IMMP2L: variants seen among roughly 807,000 people sequenced by gnomAD.
IMMP2L encodes mitochondrial inner membrane protease subunit 2.
Under a neutral mutation model 19.3 loss-of-function variants are expected in IMMP2L, and 18 were observed. That is an observed-to-expected ratio of 0.93 (90% confidence interval 0.64 to 1.38). IMMP2L has a LOEUF of 1.38. IMMP2L is among the 40% of genes most tolerant of loss of function. The pLI, the probability that IMMP2L is intolerant of heterozygous loss-of-function variation, is 0.00. For synonymous variants in IMMP2L, 76 were observed against 73.0 expected (o/e 1.04, Z -0.21); for missense variants, 233 against 218.2 (o/e 1.07, Z -0.43).
chr7:110,728,787 G>C lies in IMMP2L; in HGVS notation c.409-65066C>G, dbSNP rs892834872. Among the ~76,000 whole-genome samples the C allele has an allele frequency of 3.3e-5, 5 of 152,120 alleles. No individual in the cohort carries two copies. The highest frequency in any genetic ancestry group is 4.8e-5 in the African/African-American group (2 of 41,422). Reference sequence around the variant, plus strand: ...ACCTCATTTGTTTCTCACCATATTCGTGAGGTGGCTACAATCATTACCCCC... The same window carrying C: ...ACCTCATTTGTTTCTCACCATATTCCTGAGGTGGCTACAATCATTACCCCC... On this transcript the variant is annotated intron_variant, in intron 5 of 5. Coordinates refer to ENST00000405709, the MANE Select transcript of IMMP2L (RefSeq NM_032549.4). The surrounding 1 kb of genome is among the most constrained non-coding windows in gnomAD (Gnocchi z 4.6).
At chr7:111,000,690 A>G (rs2129561231) in intron 3 of IMMP2L, among the ~76,000 whole-genome samples, 1 of 152,190 alleles carries the variant, frequency 6.6e-6, no homozygotes, top group East Asian at 1.9e-4. Context: ...TTAAAACTAC[A>G]AAAAGTATTC....
chr7:111,168,458 T>C (rs1806074947), intron 3 of IMMP2L, among the ~76,000 whole-genome samples: 1 of 151,930 alleles, frequency 6.6e-6, no homozygotes, highest in Admixed American at 6.6e-5. Flanking sequence ...AGTAGGTCAG[T>C]GCATTTTAAA....
At chr7:111,121,994 C>T (rs1341846554) in intron 3 of IMMP2L, among the ~76,000 whole-genome samples, 2 of 150,724 alleles carry the variant, frequency 1.3e-5, no homozygotes, top group African/African-American at 4.9e-5. Context: ...AAACCAAACA[C>T]CACATGTTCT....
At chr7:110,952,690 G>A (rs983746893) in intron 4 of IMMP2L, among the ~76,000 whole-genome samples, 1 of 152,146 alleles carries the variant, frequency 6.6e-6, no homozygotes, top group Non-Finnish European at 1.5e-5. Flanking sequence ...TAGTCATCCT[G>A]CTAGGCTCTG....
At chr7:111,510,191 T>C (rs1845307745) in intron 2 of IMMP2L, among the ~76,000 whole-genome samples, 1 of 152,126 alleles carries the variant, frequency 6.6e-6, no homozygotes, top group Non-Finnish European at 1.5e-5. Flanking sequence ...TAATGAGTCG[T>C]GTTATACAGT....
intron 5 of IMMP2L, among the ~76,000 whole-genome samples, chr7:110,764,010 C>T (rs919744313): frequency 6.6e-6 from 1 of 152,092 alleles, no homozygotes; most frequent in African/African-American, 2.4e-5. Context: ...AAATGGGGTG[C>T]AGATTAATGA....
At chr7:110,841,052 A>C (rs1013397155) in intron 5 of IMMP2L, among the ~76,000 whole-genome samples, 1 of 152,192 alleles carries the variant, frequency 6.6e-6, no homozygotes, top group Admixed American at 6.5e-5. Flanking sequence ...GGGCCATTCA[A>C]TAAACTTGAA....
intron 3 of IMMP2L, among the ~76,000 whole-genome samples, chr7:111,088,523 A>C (rs1796549094): frequency 6.6e-6 from 1 of 152,100 alleles, no homozygotes; most frequent in Non-Finnish European, 1.5e-5. Flanking sequence ...GGAAAAGAAG[A>C]ATTAGCAGAG....
chr7:111,224,435 G>T (rs992081662), intron 3 of IMMP2L, among the ~76,000 whole-genome samples: 5 of 152,068 alleles, frequency 3.3e-5, no homozygotes, highest in Non-Finnish European at 7.4e-5. Context: ...TTTTAGAGAG[G>T]AACCCTGTTA....
chr7:111,518,234 A>C (rs928718387), intron 2 of IMMP2L, among the ~76,000 whole-genome samples: 1 of 152,126 alleles, frequency 6.6e-6, no homozygotes, highest in African/African-American at 2.4e-5. Context: ...GCTTCCCCTA[A>C]TCACAAACCA....
At chr7:111,122,738 A>C in intron 3 of IMMP2L, 509 of 1,417,996 alleles carry the variant, frequency 3.6e-4, no homozygotes, top group Non-Finnish European at 4.6e-4. Flanking sequence ...TGGAATCCTT[A>C]AGGGCCCATT....
At chr7:110,841,225 T>C (rs1232574696) in intron 5 of IMMP2L, among the ~76,000 whole-genome samples, 1 of 152,006 alleles carries the variant, frequency 6.6e-6, no homozygotes, top group African/African-American at 2.4e-5. Flanking sequence ...TATATACCCA[T>C]AGTGAAATGA....
chr7:111,022,986 C>T (rs1281573625), intron 3 of IMMP2L, among the ~76,000 whole-genome samples: 1 of 152,178 alleles, frequency 6.6e-6, no homozygotes, highest in Non-Finnish European at 1.5e-5. Context: ...TACAAATTCA[C>T]CTTTGCAGCT....
At chr7:110,941,503 C>T (rs949847877) in intron 4 of IMMP2L, among the ~76,000 whole-genome samples, 3 of 152,078 alleles carry the variant, frequency 2.0e-5, no homozygotes, top group Non-Finnish European at 4.4e-5. Context: ...TATATTAATG[C>T]ATTTAAGCAT....
intron 3 of IMMP2L, among the ~76,000 whole-genome samples, chr7:110,969,911 T>G (rs533881611): frequency 2.0e-5 from 3 of 152,264 alleles, no homozygotes; most frequent in Admixed American, 2.0e-4. Context: ...CAGATTTATC[T>G]TCTACAATTC....
intron 3 of IMMP2L, among the ~76,000 whole-genome samples, chr7:111,162,639 T>C (rs1186462217): frequency 6.7e-6 from 1 of 148,488 alleles, no homozygotes; most frequent in African/African-American, 2.5e-5. Context: ...AGCGAGTAGT[T>C]TTTTTTTTTT....
chr7:110,679,658 A>G (rs1185117087), intron 5 of IMMP2L, among the ~76,000 whole-genome samples: 1 of 151,992 alleles, frequency 6.6e-6, no homozygotes, highest in Non-Finnish European at 1.5e-5. Context: ...GAATGCAGCT[A>G]TTCCTCTGCT....
chr7:110,933,962 C>T (rs1440167656), intron 4 of IMMP2L, among the ~76,000 whole-genome samples: 1 of 152,154 alleles, frequency 6.6e-6, no homozygotes, highest in East Asian at 1.9e-4. Flanking sequence ...TTCCTGCTTT[C>T]TCCTGTGGGC....
intron 2 of IMMP2L, among the ~76,000 whole-genome samples, chr7:111,509,357 G>C (rs1454430022): frequency 1.3e-5 from 2 of 152,114 alleles, no homozygotes; most frequent in Non-Finnish European, 2.9e-5. Flanking sequence ...AGACTATGGG[G>C]CTCCTTATCC....
Sources: gnomAD v4.1 joint callset for allele counts (sites outside exome capture counted in the v4.1 genomes callset) on GRCh38, gnomAD v4.1.1 for gene constraint, Gnocchi (gnomAD v3.1) non-coding constraint, MANE v1.5 for transcripts, NCBI Gene and HGNC (gene_info 2026-07-23, HGNC 2026-07-21) for gene names.